Variants in STARD10 observed in about 807,000 individuals in gnomAD.
The protein encoded by STARD10 is START domain-containing protein 10.
Under a neutral mutation model 36.0 loss-of-function variants are expected in STARD10, and 24 were observed. The observed-to-expected ratio is 0.67, with a 90% CI of 0.48 to 0.94. The LOEUF is 0.94. STARD10 is among the 40% of genes least tolerant of loss of function. The pLI is 0.00. For synonymous variants in STARD10, 156 were observed against 161.9 expected (o/e 0.96, Z 0.28); for missense variants, 335 against 396.6 (o/e 0.84, Z 1.32).
intron 2 of STARD10, among the ~76,000 whole-genome samples, chr11:72,778,934 C>T (rs1379443847): frequency 2.6e-5 from 4 of 152,178 alleles, no homozygotes; most frequent in Admixed American, 6.5e-5. Context: ...TCCAAGTCCC[C>T]GCCACCCACA....
chr11:72,755,892 C>T (rs936743546), intron 5 of STARD10, 139 bp from the exon 6 acceptor site: 15 of 720,036 alleles, frequency 2.1e-5, no homozygotes, highest in Non-Finnish European at 3.2e-5. Flanking sequence ...GCAAGTCCTA[C>T]AAGCCTTTAC....
At chr11:72,757,967 G>A (rs1858666408) in intron 4 of STARD10, 83 bp from the exon 5 acceptor site, 19 of 1,119,498 alleles carry the variant, frequency 1.7e-5, no homozygotes, top group Admixed American at 3.4e-5. Context: ...ACGCGCACGC[G>A]CACACACACA....
rs1338856109 is a variant in STARD10 at position 72,781,221 on chromosome 11, G to A, written c.-40C>T. On this transcript the variant is annotated 5_prime_UTR_variant, in exon 2 of 7. Coordinates refer to ENST00000334805, the MANE Select transcript of STARD10 (RefSeq NM_006645.3). The surrounding 1 kb of genome is among the most constrained non-coding windows in gnomAD (Gnocchi z 4.7). ...GGCCCAGGGCCCTGGTCCTAGTCCG[G>A]CTCTCCTGGGTCCTCCGCGGAGGCT... 1 of 1,570,524 alleles carries A rather than the reference G, an allele frequency of 6.4e-7. No individual in the cohort carries two copies. The highest frequency in any genetic ancestry group is 1.3e-5 in the African/African-American group (1 of 74,180).
At chr11:72,755,828 GCCCAGAGCTTCCA>G in intron 5 of STARD10, 75 bp from the exon 6 acceptor site, 1 of 1,405,922 alleles carries the variant, frequency 7.1e-7, no homozygotes, top group Non-Finnish European at 9.7e-7. Context: ...CCCACCCTCT[GCCCAGAGCTTCCA>G]GGGAGGCCAC....
At position 72,755,720 on chromosome 11, in the gene STARD10, G is replaced by A; in HGVS notation, c.611C>T (p.Ser204Phe). 1 of 1,613,794 alleles carries A rather than the reference G, an allele frequency of 6.2e-7. No individual in the cohort carries two copies. The highest frequency in any genetic ancestry group is 8.5e-7 in the Non-Finnish European group (1 of 1,179,850). ...SLPKWVVNKS[S>F]QFLAPKAMKK... ...ACTCACCTTGGGAGCCAGGAACTGA[G>A]AAGATTTATTCACCACCCACTTGGG... The change falls in exon 6 of 7, where the codon TCT becomes TTT. Residue 204 changes from serine (S) to phenylalanine (F), a missense_variant. Transcript: ENST00000334805.
intron 4 of STARD10, 28 bp from the exon 5 acceptor site, chr11:72,757,912 GA>G (rs1489338407): frequency 6.3e-7 from 1 of 1,598,934 alleles, no homozygotes; most frequent in Non-Finnish European, 8.6e-7. Context: ...AGGGAGGTGA[GA>G]CTCGGGGTGG....
At chr11:72,775,921 A>C (rs953215236) in intron 2 of STARD10, among the ~76,000 whole-genome samples, 9 of 151,922 alleles carry the variant, frequency 5.9e-5, no homozygotes, top group African/African-American at 2.2e-4. Context: ...CAACATCCTC[A>C]ACCCAAACCA....
At position 72,781,312 on chromosome 11, in the gene STARD10, G is replaced by T; in HGVS notation, c.-113-18C>A. ...CCTGGGACCTGCAAGACCGGTTTGGGGACGGGAATCAGTGCGCTGGGGGCG... is the reference window on the plus strand; with the variant it reads ...CCTGGGACCTGCAAGACCGGTTTGGTGACGGGAATCAGTGCGCTGGGGGCG... On this transcript the variant is annotated intron_variant, in intron 1 of 6. Coordinates refer to ENST00000334805, the MANE Select transcript of STARD10 (RefSeq NM_006645.3). The surrounding 1 kb of genome is among the most constrained non-coding windows in gnomAD (Gnocchi z 4.7). The T allele has an allele frequency of 1.3e-6, 1 of 766,492 alleles. No individual in the cohort carries two copies. The highest frequency in any genetic ancestry group is 1.8e-5 in the South Asian group (1 of 57,116). The allele number at this position is 766,492 out of a possible 1,614,324, so 47.5% of individuals were successfully genotyped here. A position where few individuals can be genotyped will look rare whatever the true frequency, so the allele number is the denominator to read the frequency against.
At chr11:72,766,027 A>C (rs931512629) in intron 2 of STARD10, 5 of 152,110 alleles carry the variant, frequency 3.3e-5, no homozygotes, top group Non-Finnish European at 7.4e-5. Context: ...GTAGTGAGTG[A>C]TCTCAATTGA....
intron 2 of STARD10, among the ~76,000 whole-genome samples, chr11:72,777,979 C>A (rs995146906): frequency 3.9e-5 from 6 of 152,174 alleles, no homozygotes; most frequent in Admixed American, 3.9e-4. Context: ...TCAGCAAACA[C>A]CTGCAGTTGA....
chr11:72,778,428 G>A (rs1354051155), intron 2 of STARD10, among the ~76,000 whole-genome samples: 1 of 152,232 alleles, frequency 6.6e-6, no homozygotes, highest in Non-Finnish European at 1.5e-5. Context: ...TTATCTGCAT[G>A]GAACCTGGGA....
intron 2 of STARD10, among the ~76,000 whole-genome samples, chr11:72,762,012 G>A (rs1347454685): frequency 2.3e-5 from 3 of 130,926 alleles, no homozygotes; most frequent in Non-Finnish European, 4.7e-5. Context: ...CGCAACCTAC[G>A]CCTCCCGGGT....
chr11:72,779,280 C>A (rs1333246630), intron 2 of STARD10, among the ~76,000 whole-genome samples: 1 of 152,180 alleles, frequency 6.6e-6, no homozygotes, highest in African/African-American at 2.4e-5. Flanking sequence ...TTCTTTCCTC[C>A]CCCCTCTCTT....
intron 2 of STARD10, among the ~76,000 whole-genome samples, chr11:72,764,923 T>C (rs1256650866): frequency 6.6e-6 from 1 of 152,078 alleles, no homozygotes; most frequent in African/African-American, 2.4e-5. Context: ...CTTGAGTACG[T>C]TTAAAGCCTG....
chr11:72,780,581 G>C (rs924623995), intron 2 of STARD10: 1 of 359,278 alleles, frequency 2.8e-6, no homozygotes, highest in African/African-American at 2.1e-5. Flanking sequence ...TGAGAACCAG[G>C]AATCAGGGAG....
intron 1 of STARD10, among the ~76,000 whole-genome samples, chr11:72,787,105 A>AGGAAATG (rs1491543048): frequency 1.0e-4 from 15 of 150,452 alleles, no homozygotes; most frequent in Non-Finnish European, 1.8e-4. Flanking sequence ...AAAAAAAAAA[A>AGGAAATG]GGAAATGGGA....
intron 5 of STARD10, among the ~76,000 whole-genome samples, chr11:72,757,309 G>A (rs1858658344): frequency 6.6e-6 from 1 of 152,232 alleles, no homozygotes; most frequent in Admixed American, 6.5e-5. Flanking sequence ...ACACAACGAG[G>A]CTTAGGTGCC....
At chr11:72,779,689 C>T (rs1029491291) in intron 2 of STARD10, among the ~76,000 whole-genome samples, 3 of 152,162 alleles carry the variant, frequency 2.0e-5, no homozygotes, top group African/African-American at 7.2e-5. Context: ...GGCTCAGACA[C>T]AGGTTCTGAG....
Position 72,771,259 on chromosome 11 carries a change from A to G in STARD10, c.207+9716T>C, listed in dbSNP as rs150307086. On this transcript the variant is annotated intron_variant, in intron 2 of 6. Coordinates refer to ENST00000334805, the MANE Select transcript of STARD10 (RefSeq NM_006645.3). The stretch of plus-strand genomic sequence containing the variant: ...TGGCCAGAGGAGGACAATCCCTGAC[A>G]AGTCCATGCTGGGAGCTAGGGCTTT... 4.5e-3 allele frequency among the ~76,000 whole-genome samples: 683 copies of G among 152,282 alleles called. 4 individuals carry two copies. The highest frequency in any genetic ancestry group is 0.016 in the African/African-American group (650 of 41,544).
Sources: gnomAD v4.1 joint callset for allele counts (sites outside exome capture counted in the v4.1 genomes callset) on GRCh38, gnomAD v4.1.1 for gene constraint, Gnocchi (gnomAD v3.1) non-coding constraint, MANE v1.5 for transcripts, NCBI Gene and HGNC (gene_info 2026-07-23, HGNC 2026-07-21) for gene names.